Variants in MAST2 observed in about 807,000 individuals in gnomAD.
MAST2 encodes the protein microtubule associated serine/threonine kinase 2, also known as microtubule-associated serine/threonine-protein kinase 2.
In MAST2, 70 loss-of-function variants were observed where a neutral mutation model predicts 147.4. The ratio of observed to expected loss-of-function variants is 0.47; its 90% CI spans 0.39 to 0.58. The LOEUF (loss-of-function observed/expected upper bound fraction) is 0.58, where lower values mean the gene tolerates loss of function less well. MAST2 is among the 20% of genes least tolerant of loss of function. The pLI, the probability that MAST2 is intolerant of heterozygous loss-of-function variation, is 0.00. For synonymous variants in MAST2, 869 were observed against 896.8 expected (o/e 0.97, Z 0.55); for missense variants, 2,080 against 2,302.3 (o/e 0.90, Z 1.98).
intron 1 of MAST2, among the ~76,000 whole-genome samples, chr1:45,819,250 CT>C (rs1414695122): frequency 1.5e-4 from 17 of 113,154 alleles, no homozygotes; most frequent in East Asian, 1.1e-3. Flanking sequence ...CAAAGTCTGT[CT>C]CAAAAAAAAA....
At chr1:46,008,217 A>T in intron 8 of MAST2, 79 bp from the exon 9 acceptor site, 1 of 892,330 alleles carries the variant, frequency 1.1e-6, no homozygotes, top group Non-Finnish European at 1.8e-6. Flanking sequence ...TGGGAGGGGC[A>T]GGGTCTCTGG....
At position 46,035,542 on chromosome 1, in the gene MAST2, C is replaced by A; in HGVS notation, c.4873C>A (p.Gln1625Lys). 3.1e-6 allele frequency: 5 copies of A among 1,613,538 alleles called. No individual in the cohort carries two copies. The highest frequency in any genetic ancestry group is 4.2e-6 in the Non-Finnish European group (5 of 1,180,020). The change falls in exon 29 of 29, where the codon CAG (glutamine) becomes AAG (lysine). Residue 1625 changes from glutamine to lysine, a missense_variant. Physicochemically the swap from Gln to Lys is moderately conservative, Grantham distance 53. This residue lies in a region of MAST2 where 1,278 missense variants were observed against 1,304.2 expected (regional missense o/e 0.98). Coordinates refer to ENST00000361297, the MANE Select transcript of MAST2 (RefSeq NM_015112.3). This position sits in a 1 kb window ranked among gnomAD's most constrained non-coding sequence, Gnocchi z 5.5. ...GCWKAQHLHT[Q>K]ALTALSPSTS... is the part of the protein sequence containing the mutation. Reference sequence around the variant, plus strand: ...CTGGAAGGCCCAGCACCTCCACACCCAGGCACTAACAGCACTTTCTCCCAG... The same window carrying A: ...CTGGAAGGCCCAGCACCTCCACACCAAGGCACTAACAGCACTTTCTCCCAG...
chr1:45,843,690 A>G (rs868761172), intron 3 of MAST2, among the ~76,000 whole-genome samples: 2 of 152,216 alleles, frequency 1.3e-5, no homozygotes, highest in African/African-American at 4.8e-5. Context: ...TTAGATAAGA[A>G]CTGTAGGAGT....
chr1:45,876,833 C>T (rs939237011), intron 3 of MAST2, among the ~76,000 whole-genome samples: 8 of 152,052 alleles, frequency 5.3e-5, no homozygotes, highest in Middle Eastern at 6.3e-3. Context: ...GATGCGCTTC[C>T]GTGCCTCTAA....
At chr1:45,985,407 T>C (rs1367532291) in intron 5 of MAST2, among the ~76,000 whole-genome samples, 2 of 152,208 alleles carry the variant, frequency 1.3e-5, no homozygotes, top group African/African-American at 4.8e-5. Flanking sequence ...TTTCGACCTA[T>C]GTATACACAT....
At position 45,824,572 on chromosome 1, in the gene MAST2, C is replaced by A. The variant is rs767545153; in HGVS notation, c.317C>A (p.Ser106Tyr). 6.3e-7 allele frequency: 1 copy of A among 1,594,012 alleles called. No homozygotes were observed. The highest frequency in any genetic ancestry group is 1.7e-5 in the Admixed American group (1 of 57,966). Residue 106 changes from serine to tyrosine, a missense_variant, in exon 2 of 29, where the codon TCT (serine) becomes TAT (tyrosine). By Grantham distance (144) the Ser-to-Tyr change is moderately radical. Around this residue, in one of 4 missense-constraint regions of MAST2, gnomAD observed 569 missense variants for 642.5 expected, o/e 0.89. Coordinates refer to ENST00000361297, the MANE Select transcript of MAST2 (RefSeq NM_015112.3). ...CKLWRGNLAS[S>Y]LSGKQLLPLS... ...TTATGGAGAGGAAACCTGGCCAGCT[C>A]TCTATCGGGTAAATATCTGATTTTG...
intron 5 of MAST2, among the ~76,000 whole-genome samples, chr1:45,996,683 G>A (rs769577962): frequency 3.9e-5 from 6 of 152,126 alleles, no homozygotes; most frequent in Admixed American, 1.3e-4. Context: ...GCTGCATAGG[G>A]TAGTAGGAGC....
intron 4 of MAST2, among the ~76,000 whole-genome samples, chr1:45,888,900 T>G (rs1647242600): frequency 6.6e-6 from 1 of 150,566 alleles, no homozygotes; most frequent in South Asian, 2.1e-4. Flanking sequence ...CAGGATGGTC[T>G]CAATCTGACC....
At chr1:45,979,578 C>T (rs1644316403) in intron 5 of MAST2, among the ~76,000 whole-genome samples, 1 of 152,108 alleles carries the variant, frequency 6.6e-6, no homozygotes, top group Non-Finnish European at 1.5e-5. Context: ...TGACTCACAC[C>T]TGTAATGTCA....
chr1:45,805,096 G>A (rs946320291), intron 1 of MAST2, among the ~76,000 whole-genome samples: 5 of 149,898 alleles, frequency 3.3e-5, no homozygotes, highest in African/African-American at 1.2e-4. Context: ...GTCGCCCAGG[G>A]GAGAGTGCAG....
At chr1:45,978,051 T>C (rs550637803) in intron 5 of MAST2, among the ~76,000 whole-genome samples, 21 of 151,090 alleles carry the variant, frequency 1.4e-4, no homozygotes, top group Admixed American at 2.6e-4. Flanking sequence ...CCCTATCTCT[T>C]ATATTTAAAA....
At chr1:46,016,537 A>G (rs1202912429) in intron 10 of MAST2, among the ~76,000 whole-genome samples, 1 of 152,142 alleles carries the variant, frequency 6.6e-6, no homozygotes, top group Non-Finnish European at 1.5e-5. Context: ...TACACCAATA[A>G]CAGACAAACA....
intron 4 of MAST2, among the ~76,000 whole-genome samples, chr1:45,937,710 C>T (rs1194399059): frequency 7.7e-6 from 1 of 129,980 alleles, no homozygotes; most frequent in African/African-American, 2.9e-5. Context: ...CGAGATCACA[C>T]CACTGTACTC....
intron 5 of MAST2, among the ~76,000 whole-genome samples, chr1:45,993,888 C>T (rs1417789027): frequency 6.6e-6 from 1 of 152,102 alleles, no homozygotes; most frequent in Non-Finnish European, 1.5e-5. Flanking sequence ...TTCAGTAATT[C>T]ACTAGAATGA....
chr1:45,904,702 G>T (rs758324041), intron 4 of MAST2, among the ~76,000 whole-genome samples: 7 of 152,146 alleles, frequency 4.6e-5, no homozygotes, highest in Admixed American at 3.3e-4. Context: ...CTGAGTTCAA[G>T]TGATCCACCC....
chr1:45,948,976 G>A lies in MAST2; in HGVS notation c.501-10410G>A, dbSNP rs181241318. On this transcript the variant is annotated intron_variant, in intron 4 of 28. Coordinates refer to ENST00000361297, the MANE Select transcript of MAST2 (RefSeq NM_015112.3). ...GACAAAGCTGACAAAAACAAGCAAT[G>A]GGGAAAAGACTCCCTATTCAGTAAG... is the stretch of plus-strand genomic sequence containing the variant. Among the ~76,000 whole-genome samples the A allele has an allele frequency of 2.3e-3, 348 of 152,160 alleles. 4 individuals carry two copies. The highest frequency in any genetic ancestry group is 8.0e-3 in the African/African-American group (332 of 41,522).
At chr1:46,020,219 A>C (rs1646128828) in intron 11 of MAST2, among the ~76,000 whole-genome samples, 1 of 152,210 alleles carries the variant, frequency 6.6e-6, no homozygotes, top group Non-Finnish European at 1.5e-5. Context: ...GGGAACCTGG[A>C]AAAGGAAGTG....
intron 3 of MAST2, among the ~76,000 whole-genome samples, chr1:45,873,764 A>T (rs1646491881): frequency 6.6e-6 from 1 of 152,196 alleles, no homozygotes; most frequent in Non-Finnish European, 1.5e-5. Context: ...CAAGCTGTTC[A>T]TCAAACTCAA....
chr1:45,939,004 G>T (rs1482022020), intron 4 of MAST2, among the ~76,000 whole-genome samples: 1 of 151,736 alleles, frequency 6.6e-6, no homozygotes, highest in Non-Finnish European at 1.5e-5. Context: ...GTCTATGGTG[G>T]TTCTTTCCAT....
Sources: allele counts gnomAD v4.1 joint callset (sites outside exome capture counted in the v4.1 genomes callset), GRCh38; gene constraint gnomAD v4.1.1; regional missense constraint gnomAD v4.1.1; non-coding constraint Gnocchi (gnomAD v3.1); transcripts MANE v1.5; gene names NCBI Gene and HGNC (gene_info 2026-07-23, HGNC 2026-07-21).